APPL1: variants seen among roughly 807,000 people sequenced by gnomAD.
APPL1 encodes the protein DCC-interacting protein 13-alpha.
A neutral mutation model predicts 106.8 loss-of-function variants in APPL1; 42 were observed. That is an observed-to-expected ratio of 0.39 (90% confidence interval 0.31 to 0.51). APPL1 has a LOEUF of 0.51. Among genes scored for constraint, APPL1 ranks in the 20% least tolerant of loss-of-function variants. The probability of loss-of-function intolerance (pLI) is 0.75; values close to 1 mark genes in which losing one functional copy is unlikely to be tolerated. For synonymous variants in APPL1, 263 were observed against 281.8 expected (o/e 0.93, Z 0.67); for missense variants, 769 against 858.2 (o/e 0.90, Z 1.30).
Position 57,270,062 on chromosome 3 carries a change from C to T in APPL1, c.*375C>T. On this transcript the variant is annotated 3_prime_UTR_variant, in exon 22 of 22. Coordinates refer to ENST00000288266, the MANE Select transcript of APPL1 (RefSeq NM_012096.3). ...TCAGGCTTAGACATTCATGGATATG[C>T]TTTTCTTTCATTAGGAACATTTTGC... 1 of 157,612 alleles carries T rather than the reference C, an allele frequency of 6.3e-6. No homozygotes were observed. Among genetic ancestry groups the T allele is most frequent in the East Asian group, 1.9e-4 (1 of 5,394 alleles). The allele number at this position is 157,612 out of a possible 1,614,324, so 9.8% of individuals were successfully genotyped here.
intron 7 of APPL1, among the ~76,000 whole-genome samples, chr3:57,245,052 A>G (rs1298965802): frequency 6.6e-6 from 1 of 152,172 alleles, no homozygotes; most frequent in Non-Finnish European, 1.5e-5. Context: ...GTACAAAACT[A>G]TCTTCAGTTT....
At chr3:57,237,637 C>G (rs909611477) in intron 3 of APPL1, 86 bp downstream of exon 3, 1 of 941,914 alleles carries the variant, frequency 1.1e-6, no homozygotes, top group African/African-American at 1.7e-5. Flanking sequence ...CTTAAGTTTT[C>G]TTGAATTCAC....
Position 57,271,821 on chromosome 3 carries a change from C to A in APPL1, c.*2134C>A, listed in dbSNP as rs186691326. The A allele has an allele frequency of 6.6e-6, 1 of 152,188 alleles. No homozygotes were observed. The allele number at this position is 152,188 out of a possible 1,614,324, so 9.4% of individuals were successfully genotyped here. On this transcript the variant is annotated 3_prime_UTR_variant, in exon 22 of 22. Transcript: ENST00000288266. ...AACCCATCATCTCCATAGGTCAGAT[C>A]GAAGTGCATTCCAATGCTAAATAGA...
At chr3:57,269,313 AAGAT>A in intron 21 of APPL1, 1 of 442,664 alleles carries the variant, frequency 2.3e-6, no homozygotes, top group South Asian at 4.2e-5. Flanking sequence ...TAAAAAAAGA[AAGAT>A]AAAATATTAG....
intron 11 of APPL1, among the ~76,000 whole-genome samples, chr3:57,250,360 G>A (rs899975673): frequency 2.6e-5 from 4 of 151,996 alleles, no homozygotes; most frequent in Admixed American, 6.5e-5. Context: ...GGCTGGTCTC[G>A]AACTCCTGGA....
intron 18 of APPL1, 58 bp from the exon 19 acceptor site, chr3:57,260,570 A>G: frequency 1.4e-6 from 2 of 1,477,436 alleles, no homozygotes; most frequent in Non-Finnish European, 1.8e-6. Context: ...GTTTGTCACA[A>G]GTGCTGCTGT....
chr3:57,229,573 T>G (rs2060675055), intron 1 of APPL1, among the ~76,000 whole-genome samples: 1 of 152,136 alleles, frequency 6.6e-6, no homozygotes, highest in Non-Finnish European at 1.5e-5. Context: ...TTTCCCAGTC[T>G]GGAGAGCAAT....
rs944688568 is a variant in APPL1, at chr3:57,271,758, C to A, written c.*2071C>A. The A allele has an allele frequency of 6.6e-6, 1 of 152,154 alleles. No homozygotes were observed. The allele number at this position is 152,154 out of a possible 1,614,324, so 9.4% of individuals were successfully genotyped here. ...AGGGATGCTGGACAGACCTGTAGTT[C>A]GTTTTAAGTCATGTTCACAGGAATT... On this transcript the variant is annotated 3_prime_UTR_variant, in exon 22 of 22. Coordinates refer to ENST00000288266, the MANE Select transcript of APPL1 (RefSeq NM_012096.3).
intron 1 of APPL1, among the ~76,000 whole-genome samples, chr3:57,234,155 T>A (rs1340357708): frequency 6.6e-6 from 1 of 152,186 alleles, no homozygotes; most frequent in African/African-American, 2.4e-5. Flanking sequence ...AATATATCTT[T>A]TAGATTTTAA....
At position 57,228,619 on chromosome 3, in the gene APPL1, T is replaced by C. The variant is rs2060667099; in HGVS notation, c.54+682T>C. Among the ~76,000 whole-genome samples, 1 of 152,258 alleles carries C rather than the reference T, an allele frequency of 6.6e-6. No homozygotes were observed. The highest frequency in any genetic ancestry group is 2.4e-5 in the African/African-American group (1 of 41,468). On this transcript the variant is annotated intron_variant, in intron 1 of 21. Transcript: ENST00000288266. This position sits in a 1 kb window ranked among gnomAD's most constrained non-coding sequence, Gnocchi z 4.6. ...AATAAACTCATCAAAATAAAAGCCC[T>C]GTGTTCTGTGCGTCGGAATGATGCT...
At chr3:57,248,851 C>A (rs1204505148) in intron 10 of APPL1, among the ~76,000 whole-genome samples, 1 of 151,360 alleles carries the variant, frequency 6.6e-6, no homozygotes, top group East Asian at 1.9e-4. Flanking sequence ...GCCTGAGGGA[C>A]AGAGTGAGAC....
At chr3:57,251,038 A>G (rs1185378923) in intron 11 of APPL1, among the ~76,000 whole-genome samples, 1 of 146,244 alleles carries the variant, frequency 6.8e-6, no homozygotes, top group African/African-American at 2.5e-5. Context: ...CGATCTCCTG[A>G]CCTCGTGATC....
intron 12 of APPL1, among the ~76,000 whole-genome samples, chr3:57,253,005 T>C (rs979478800): frequency 6.6e-6 from 1 of 152,178 alleles, no homozygotes; most frequent in Non-Finnish European, 1.5e-5. Flanking sequence ...AAAAGAGTAA[T>C]ATTAAAACTT....
chr3:57,249,251 G>C, intron 10 of APPL1, 109 bp from the exon 11 acceptor site: 1 of 1,017,792 alleles, frequency 9.8e-7, no homozygotes, highest in Non-Finnish European at 1.5e-6. Context: ...TGGCATCTTG[G>C]TGCCTCTTCG....
intron 11 of APPL1, among the ~76,000 whole-genome samples, chr3:57,251,917 T>A (rs1235734107): frequency 2.0e-5 from 3 of 152,208 alleles, no homozygotes; most frequent in Non-Finnish European, 4.4e-5. Context: ...ATCATTGATG[T>A]ATATTTGAAA....
At chr3:57,233,945 A>C (rs1395806273) in intron 1 of APPL1, among the ~76,000 whole-genome samples, 1 of 152,022 alleles carries the variant, frequency 6.6e-6, no homozygotes, top group Non-Finnish European at 1.5e-5. Context: ...GTAGCCAGAC[A>C]TGGTGGCACA....
intron 4 of APPL1, 67 bp downstream of exon 4, chr3:57,238,183 T>TATTCATAAAATAAAAGC: frequency 1.7e-6 from 2 of 1,181,782 alleles, no homozygotes; most frequent in Non-Finnish European, 2.4e-6. Flanking sequence ...TGCTTAGCTT[T>TATTCATAAAATAAAAGC]TATTTTATGA....
intron 9 of APPL1, among the ~76,000 whole-genome samples, chr3:57,247,879 G>T (rs1036174882): frequency 6.6e-6 from 1 of 152,158 alleles, no homozygotes; most frequent in African/African-American, 2.4e-5. Context: ...AGTGTATGTG[G>T]TCAGTCCACG....
intron 5 of APPL1, 119 bp downstream of exon 5, chr3:57,240,671 C>T (rs2060741131): frequency 3.6e-6 from 3 of 836,468 alleles, no homozygotes; most frequent in Middle Eastern, 2.3e-4. Context: ...TTACTTTGCT[C>T]AGTTACCAAA....
Sources: allele counts gnomAD v4.1 joint callset (sites outside exome capture counted in the v4.1 genomes callset), GRCh38; gene constraint gnomAD v4.1.1; non-coding constraint Gnocchi (gnomAD v3.1); transcripts MANE v1.5; gene names NCBI Gene and HGNC (gene_info 2026-07-23, HGNC 2026-07-21).